MATCAP2: variants seen among roughly 807,000 people sequenced by gnomAD.
MATCAP2 encodes microtubule associated tyrosine carboxypeptidase 2, also known as putative tyrosine carboxypeptidase MATCAP2.
chr7:36,356,788 C>G, the MATCAP2 span: 5 of 917,412 alleles, frequency 5.5e-6, no homozygotes, highest in East Asian at 7.9e-5. Context: ...GGGAATTAAC[C>G]ATAACATAGA....
At chr7:36,336,179 A>G in the MATCAP2 span, 1 of 1,536,336 alleles carries the variant, frequency 6.5e-7, no homozygotes, top group Non-Finnish European at 8.7e-7. Context: ...TTCCTTCATC[A>G]TGTACTTCCT....
the MATCAP2 span, chr7:36,330,945 G>T: frequency 1.7e-6 from 2 of 1,176,970 alleles, no homozygotes; most frequent in African/African-American, 1.5e-5. Context: ...TGCTGATCTG[G>T]GGTGTTCGGG....
At chr7:36,379,381 G>A in the MATCAP2 span, among the ~76,000 whole-genome samples, 1 of 152,040 alleles carries the variant, frequency 6.6e-6, no homozygotes, top group African/African-American at 2.4e-5. Flanking sequence ...AACCCACAAG[G>A]TTTTATCTTT....
chr7:36,384,191 T>C, the MATCAP2 span, among the ~76,000 whole-genome samples: 1 of 152,190 alleles, frequency 6.6e-6, no homozygotes, highest in Non-Finnish European at 1.5e-5. Flanking sequence ...AAGACATAAT[T>C]ATTATTTCCT....
At chr7:36,378,181 C>T in the MATCAP2 span, among the ~76,000 whole-genome samples, 1 of 152,190 alleles carries the variant, frequency 6.6e-6, no homozygotes, top group Non-Finnish European at 1.5e-5. Flanking sequence ...AGAAGAGGTG[C>T]TCTGGTTTTT....
chr7:36,333,551 CAA>C, the MATCAP2 span, among the ~76,000 whole-genome samples: 1 of 149,830 alleles, frequency 6.7e-6, no homozygotes, highest in Non-Finnish European at 1.5e-5. Context: ...TTTAAAAAGT[CAA>C]AGACAGAGAA....
At chr7:36,354,146 C>G in the MATCAP2 span, among the ~76,000 whole-genome samples, 35 of 152,234 alleles carry the variant, frequency 2.3e-4, no homozygotes, top group African/African-American at 8.4e-4. Flanking sequence ...ACCATGGCTG[C>G]CAGCATGCAG....
the MATCAP2 span, among the ~76,000 whole-genome samples, chr7:36,363,035 T>C: frequency 1.3e-5 from 2 of 152,038 alleles, no homozygotes; most frequent in Admixed American, 6.6e-5. Flanking sequence ...GCCAGAGAGG[T>C]AGACAAGGGA....
chr7:36,362,945 A>C, the MATCAP2 span, among the ~76,000 whole-genome samples: 1 of 152,186 alleles, frequency 6.6e-6, no homozygotes, highest in Non-Finnish European at 1.5e-5. Flanking sequence ...AGACTTCGTC[A>C]ACAATGAAAT....
the MATCAP2 span, among the ~76,000 whole-genome samples, chr7:36,334,752 G>T: frequency 2.6e-3 from 403 of 152,094 alleles, 3 homozygotes; most frequent in African/African-American, 9.3e-3. Context: ...TATTTGAAAA[G>T]AACCTCAAAG....
the MATCAP2 span, among the ~76,000 whole-genome samples, chr7:36,374,044 T>G: frequency 2.0e-5 from 3 of 152,114 alleles, no homozygotes; most frequent in African/African-American, 7.2e-5. Flanking sequence ...AGTACTGGGA[T>G]TACAGGCGTG....
At chr7:36,328,997 C>T in the MATCAP2 span, among the ~76,000 whole-genome samples, 3 of 151,872 alleles carry the variant, frequency 2.0e-5, no homozygotes, top group Admixed American at 6.6e-5. Flanking sequence ...GAGCCAAGAT[C>T]GCGCCATTGC....
At chr7:36,334,006 C>A in the MATCAP2 span, 1 of 1,613,954 alleles carries the variant, frequency 6.2e-7, no homozygotes, top group Non-Finnish European at 8.5e-7. Flanking sequence ...AGGAGGGCAG[C>A]CCTCCATAAA....
the MATCAP2 span, among the ~76,000 whole-genome samples, chr7:36,330,408 A>G: frequency 1.3e-5 from 2 of 152,010 alleles, no homozygotes; most frequent in Non-Finnish European, 2.9e-5. Flanking sequence ...CCGAGTCTTA[A>G]CAATGTCATG....
At chr7:36,362,433 TTG>T in the MATCAP2 span, among the ~76,000 whole-genome samples, 9 of 152,228 alleles carry the variant, frequency 5.9e-5, no homozygotes, top group Non-Finnish European at 1.2e-4. Context: ...GGTCAGAAAC[TTG>T]TGTGTTTGTT....
At chr7:36,339,507 AG>A in the MATCAP2 span, among the ~76,000 whole-genome samples, 1 of 152,220 alleles carries the variant, frequency 6.6e-6, no homozygotes, top group Admixed American at 6.5e-5. Context: ...CAAGATCCCC[AG>A]GTGATTCAAG....
At chr7:36,342,181 CT>C in the MATCAP2 span, among the ~76,000 whole-genome samples, 8,960 of 142,650 alleles carry the variant, frequency 0.063, 465 homozygotes, top group East Asian at 0.25. Context: ...CTACATAGGT[CT>C]TTTTTTTTTT....
the MATCAP2 span, among the ~76,000 whole-genome samples, chr7:36,369,071 C>T: frequency 6.6e-6 from 1 of 151,640 alleles, no homozygotes; most frequent in African/African-American, 2.4e-5. Context: ...TGTCTCCATC[C>T]CTAGAATAAA....
chr7:36,358,932 G>C, the MATCAP2 span, among the ~76,000 whole-genome samples: 1 of 152,128 alleles, frequency 6.6e-6, no homozygotes, highest in Non-Finnish European at 1.5e-5. Context: ...AGGCCCTTAA[G>C]GGTTTTCAGA....
Sources: gnomAD v4.1 joint callset for allele counts (sites outside exome capture counted in the v4.1 genomes callset) on GRCh38, gnomAD v4.1.1 for gene constraint, MANE v1.5 for transcripts, NCBI Gene and HGNC (gene_info 2026-07-23, HGNC 2026-07-21) for gene names.